The following PLXNA2 variants were observed in gnomAD, a reference collection of about 807,000 sequenced individuals.
The protein encoded by PLXNA2 is plexin A2.
PLXNA2 carries 91 observed loss-of-function variants against 193.5 expected under a neutral mutation model. That is an observed-to-expected ratio of 0.47 (90% confidence interval 0.40 to 0.56). The LOEUF (loss-of-function observed/expected upper bound fraction) is 0.56, where lower values mean the gene tolerates loss of function less well. PLXNA2 is among the 20% of genes least tolerant of loss of function. PLXNA2 has a pLI of 0.00. For synonymous variants in PLXNA2, 997 were observed against 1,027.3 expected (o/e 0.97, Z 0.56); for missense variants, 1,995 against 2,503.2 (o/e 0.80, Z 4.33).
intron 3 of PLXNA2, among the ~76,000 whole-genome samples, chr1:208,157,170 C>T (rs572862074): frequency 3.2e-4 from 48 of 152,326 alleles, no homozygotes; most frequent in African/African-American, 9.9e-4. Flanking sequence ...AGATTTCTTG[C>T]TCATTTCATT....
intron 3 of PLXNA2, among the ~76,000 whole-genome samples, chr1:208,169,573 A>G (rs928548722): frequency 3.3e-5 from 5 of 152,360 alleles, no homozygotes; most frequent in Admixed American, 1.3e-4. Context: ...AAGTGGACAA[A>G]GGGCTGGAGC....
intron 3 of PLXNA2, chr1:208,209,905 G>A: frequency 3.9e-6 from 1 of 258,424 alleles, no homozygotes; most frequent in South Asian, 4.2e-5. Flanking sequence ...CAGGTTCTAG[G>A]GAGGGATTTG....
At position 208,026,302 on chromosome 1, in the gene PLXNA2, C is replaced by G. The variant is rs1181087180; in HGVS notation, c.*941G>C. ...TGGTCTGGGAGAGGCCCACCTCACC[C>G]CACTTCTCATAGTAACTTTAGGGAA... On this transcript the variant is annotated 3_prime_UTR_variant, in exon 32 of 32. Coordinates refer to ENST00000367033, the MANE Select transcript of PLXNA2 (RefSeq NM_025179.4). 6.6e-6 allele frequency: 1 copy of G among 152,164 alleles called. No homozygotes were observed. Among genetic ancestry groups the G allele is most frequent in the Non-Finnish European group, 1.5e-5 (1 of 68,048 alleles). The allele number at this position is 152,164 out of a possible 1,614,324, so 9.4% of individuals were successfully genotyped here.
At chr1:208,046,159 G>A (rs1333935600) in intron 17 of PLXNA2, 42 bp from the exon 18 acceptor site, 2 of 1,588,982 alleles carry the variant, frequency 1.3e-6, no homozygotes, top group South Asian at 1.1e-5. Context: ...GGAGTGCCTG[G>A]CACAGAGCCC....
chr1:208,241,075 C>CT (rs1368502826), intron 1 of PLXNA2, among the ~76,000 whole-genome samples: 1 of 152,172 alleles, frequency 6.6e-6, no homozygotes, highest in Non-Finnish European at 1.5e-5. Flanking sequence ...CAGCTGCTGC[C>CT]TTGTATATTT....
chr1:208,211,304 T>G (rs975240702), intron 2 of PLXNA2, among the ~76,000 whole-genome samples: 1 of 152,240 alleles, frequency 6.6e-6, no homozygotes, highest in African/African-American at 2.4e-5. Context: ...GTCCTTCATA[T>G]TTCCAGCCTT....
intron 8 of PLXNA2, 26 bp from the exon 9 acceptor site, chr1:208,092,926 C>T: frequency 6.6e-7 from 1 of 1,516,190 alleles, no homozygotes; most frequent in Non-Finnish European, 9.2e-7. Flanking sequence ...TGGTGAGAGG[C>T]AAAGAGAAGA....
chr1:208,210,002 T>TTTTTTCTTTTTCAGATG, intron 3 of PLXNA2: 1 of 182,050 alleles, frequency 5.5e-6, no homozygotes, highest in East Asian at 1.5e-4. Flanking sequence ...TTTTTTTTTT[T>TTTTTTCTTTTTCAGATG]TTGCTTTTGC....
chr1:208,188,841 C>G (rs1670087003), intron 3 of PLXNA2, among the ~76,000 whole-genome samples: 1 of 152,038 alleles, frequency 6.6e-6, no homozygotes, highest in Non-Finnish European at 1.5e-5. Flanking sequence ...TCTTCTGGAC[C>G]CTGCAGTTTC....
chr1:208,175,525 A>G (rs1307560264), intron 3 of PLXNA2, among the ~76,000 whole-genome samples: 2 of 151,948 alleles, frequency 1.3e-5, no homozygotes, highest in African/African-American at 4.8e-5. Flanking sequence ...AGAATGTAAA[A>G]TGGCCTCCAA....
At chr1:208,160,052 C>T (rs780815853) in intron 3 of PLXNA2, among the ~76,000 whole-genome samples, 26 of 152,308 alleles carry the variant, frequency 1.7e-4, no homozygotes, top group Middle Eastern at 3.4e-3. Flanking sequence ...CCTCTGGTCT[C>T]GGCAGCTCCC....
chr1:208,212,503 T>G (rs1670994954), intron 2 of PLXNA2, among the ~76,000 whole-genome samples: 1 of 152,336 alleles, frequency 6.6e-6, no homozygotes, highest in African/African-American at 2.4e-5. Flanking sequence ...GCAGAAGGAA[T>G]GAGTTTCTCA....
intron 4 of PLXNA2, among the ~76,000 whole-genome samples, chr1:208,125,308 T>A (rs1667940567): frequency 6.6e-6 from 1 of 152,220 alleles, no homozygotes; most frequent in African/African-American, 2.4e-5. Flanking sequence ...GGACTTCCCA[T>A]GGCTACTGCC....
Position 208,098,872 on chromosome 1 carries a change from T to C in PLXNA2, c.1705A>G (p.Ile569Val). 1 of 1,613,910 alleles carries C rather than the reference T, an allele frequency of 6.2e-7. No homozygotes were observed. The change falls in exon 6 of 32, where the codon ATC (isoleucine) becomes GTC (valine). Residue 569 changes from isoleucine to valine, a missense_variant. Transcript: ENST00000367033. The part of the protein sequence containing the change: ...CVSLAVHPSS[I>V]SVSEHSRLLS... ...AACCGGCTGTGCTCAGATACTGAGA[T>C]GCTGCTGGGATGCACTGCAAGGCTC...
chr1:208,167,827 C>T (rs1175547430), intron 3 of PLXNA2, among the ~76,000 whole-genome samples: 1 of 152,208 alleles, frequency 6.6e-6, no homozygotes, highest in African/African-American at 2.4e-5. Context: ...GTTGAAACCC[C>T]ACACACATAC....
rs139281222 is a variant in PLXNA2 at position 208,104,914 on chromosome 1, A to G, written c.1507-1667T>C. 7.5e-4 allele frequency among the ~76,000 whole-genome samples: 114 copies of G among 152,348 alleles called. 1 individual carries two copies. The highest frequency in any genetic ancestry group is 7.2e-4 in the Non-Finnish European group (49 of 68,030). On this transcript the variant is annotated intron_variant, in intron 4 of 31. Transcript: ENST00000367033. ...ATAAGTTTAAGACGGGGGATAGCTG[A>G]TTTGAAATAGTTCAAGTGTGATAGA...
intron 1 of PLXNA2, 51 bp downstream of exon 1, chr1:208,243,592 G>A (rs916338096): frequency 6.6e-6 from 1 of 152,128 alleles, no homozygotes; most frequent in African/African-American, 2.4e-5. Flanking sequence ...CCTGTGGGGA[G>A]AGGGCGGAGG....
At chr1:208,096,245 T>G in intron 7 of PLXNA2, 120 bp from the exon 8 acceptor site, 1 of 755,076 alleles carries the variant, frequency 1.3e-6, no homozygotes, top group Non-Finnish European at 2.3e-6. Flanking sequence ...ATGTAGATAC[T>G]ATGTGGAACC....
chr1:208,186,936 T>C (rs994775850), intron 3 of PLXNA2, among the ~76,000 whole-genome samples: 2 of 151,182 alleles, frequency 1.3e-5, no homozygotes, highest in Admixed American at 1.3e-4. Context: ...TTAGCCAGGA[T>C]GGTCTCGATC....
Sources: gnomAD v4.1 joint callset for allele counts (sites outside exome capture counted in the v4.1 genomes callset) on GRCh38, gnomAD v4.1.1 for gene constraint, MANE v1.5 for transcripts, NCBI Gene and HGNC (gene_info 2026-07-23, HGNC 2026-07-21) for gene names.